INSYN2B: variants seen among roughly 807,000 people sequenced by gnomAD.
INSYN2B encodes the protein protein INSYN2B.
Under a neutral mutation model 41.2 loss-of-function variants are expected in INSYN2B, and 16 were observed. The observed-to-expected ratio is 0.39, with a 90% CI of 0.26 to 0.59. The LOEUF (loss-of-function observed/expected upper bound fraction) is 0.59. INSYN2B is among the 20% of genes least tolerant of loss of function. The pLI is 0.57. For synonymous variants in INSYN2B, 245 were observed against 244.4 expected, an observed-to-expected ratio of 1.00 and a Z score of -0.02; for missense variants, 608 against 646.4, an observed-to-expected ratio of 0.94 and a Z score of 0.64.
chr5:169,912,525 G>C (rs1440386934), intron 1 of INSYN2B, among the ~76,000 whole-genome samples: 1 of 152,082 alleles, frequency 6.6e-6, no homozygotes, highest in Non-Finnish European at 1.5e-5. Flanking sequence ...ATTCTCCCCT[G>C]TCTTAATAAC....
At chr5:169,914,950 A>G (rs1044542585) in intron 1 of INSYN2B, among the ~76,000 whole-genome samples, 2 of 152,240 alleles carry the variant, frequency 1.3e-5, no homozygotes, top group African/African-American at 4.8e-5. Context: ...GCGCCTGCCC[A>G]GAGCTGGCAG....
intron 1 of INSYN2B, chr5:169,934,564 T>A: frequency 2.2e-6 from 1 of 449,916 alleles, no homozygotes; most frequent in Admixed American, 2.4e-5. Context: ...CACACACACC[T>A]GGATCTAAAT....
At chr5:169,947,931 C>T (rs1776510884) in intron 1 of INSYN2B, among the ~76,000 whole-genome samples, 1 of 152,174 alleles carries the variant, frequency 6.6e-6, no homozygotes, top group Non-Finnish European at 1.5e-5. Context: ...TGCAGTGCCG[C>T]TGCGTTCTGC....
At chr5:169,913,761 G>T (rs11740615) in intron 1 of INSYN2B, among the ~76,000 whole-genome samples, 51,339 of 151,894 alleles carry the variant, frequency 0.34, 9,357 homozygotes, top group South Asian at 0.41. Context: ...TGATCTAATT[G>T]GTCTAACCCT....
At chr5:169,869,674 C>A (rs1561780739) in intron 3 of INSYN2B, among the ~76,000 whole-genome samples, 1 of 152,126 alleles carries the variant, frequency 6.6e-6, no homozygotes, top group Non-Finnish European at 1.5e-5. Flanking sequence ...GCTTAGCAAC[C>A]CCTTGCAAAA....
At chr5:169,891,580 C>T (rs1336202180) in intron 1 of INSYN2B, among the ~76,000 whole-genome samples, 2 of 152,048 alleles carry the variant, frequency 1.3e-5, no homozygotes, top group Non-Finnish European at 2.9e-5. Context: ...GTAGGGGACT[C>T]AGTCCTGGGA....
At chr5:169,973,998 T>C (rs1426686295) in intron 1 of INSYN2B, among the ~76,000 whole-genome samples, 1 of 152,052 alleles carries the variant, frequency 6.6e-6, no homozygotes, top group Non-Finnish European at 1.5e-5. Flanking sequence ...GGGGGAGAGG[T>C]GGTGAGGTGG....
chr5:169,940,116 T>A (rs114847179), intron 1 of INSYN2B, among the ~76,000 whole-genome samples: 6,561 of 152,272 alleles, frequency 0.043, 175 homozygotes, highest in Non-Finnish European at 0.062. Context: ...CATGGTCCCC[T>A]CCGTCTATTG....
At chr5:169,900,415 C>T (rs1292224951) in intron 1 of INSYN2B, among the ~76,000 whole-genome samples, 1 of 152,188 alleles carries the variant, frequency 6.6e-6, no homozygotes, top group Non-Finnish European at 1.5e-5. Flanking sequence ...TCCACATAAA[C>T]TTAATTATCG....
At chr5:169,916,506 T>C (rs1403517986) in intron 1 of INSYN2B, among the ~76,000 whole-genome samples, 1 of 152,230 alleles carries the variant, frequency 6.6e-6, no homozygotes, top group Non-Finnish European at 1.5e-5. Flanking sequence ...ATTGGAACCA[T>C]GGCTCTGCCA....
chr5:169,939,296 C>T (rs567973785), intron 1 of INSYN2B, among the ~76,000 whole-genome samples: 1 of 152,030 alleles, frequency 6.6e-6, no homozygotes, highest in African/African-American at 2.4e-5. Flanking sequence ...TCAGGACCCT[C>T]CCTATCACTG....
intron 1 of INSYN2B, among the ~76,000 whole-genome samples, chr5:169,977,762 G>A (rs779278818): frequency 1.3e-5 from 2 of 152,168 alleles, no homozygotes; most frequent in African/African-American, 2.4e-5. Flanking sequence ...GCACACCTTA[G>A]TTTTCCCAAA....
At chr5:169,908,689 AT>A (rs1262308443) in intron 1 of INSYN2B, among the ~76,000 whole-genome samples, 3 of 149,940 alleles carry the variant, frequency 2.0e-5, no homozygotes, top group Non-Finnish European at 3.0e-5. Context: ...ACAGGTTTCA[AT>A]GCATTTTTCT....
In INSYN2B at chr5:169,861,918, T is replaced by TTTTTC. The variant is rs542728501; in HGVS notation, c.*2350_*2354dup. Among the ~76,000 whole-genome samples the TTTTTC allele has an allele frequency of 1.4e-4, 21 of 148,728 alleles. No individual in the cohort carries two copies. Among genetic ancestry groups the TTTTTC allele is most frequent in the African/African-American group, 4.9e-4 (20 of 41,064 alleles). On this transcript the variant is annotated 3_prime_UTR_variant, in exon 4 of 4. Transcript: ENST00000377365. Reference sequence around the variant, plus strand: ...TAGAAATGTCAACATTTTATTTATTTTTTTCTTTTCTTTTCTTTTCTTTTT... The same window carrying TTTTTC: ...TAGAAATGTCAACATTTTATTTATTTTTTTCTTTTCTTTTCTTTTCTTTTCTTTTT...
intron 1 of INSYN2B, among the ~76,000 whole-genome samples, chr5:169,945,391 T>G (rs963753819): frequency 6.6e-6 from 1 of 152,274 alleles, no homozygotes; most frequent in African/African-American, 2.4e-5. Context: ...TTGAACTCTT[T>G]GGGTCTCAGA....
At chr5:169,898,695 T>C (rs980224229) in intron 1 of INSYN2B, among the ~76,000 whole-genome samples, 1 of 152,176 alleles carries the variant, frequency 6.6e-6, no homozygotes, top group Non-Finnish European at 1.5e-5. Flanking sequence ...TTTGCAGCTG[T>C]GTAGGCCATG....
At chr5:169,909,315 A>G (rs1326951324) in intron 1 of INSYN2B, among the ~76,000 whole-genome samples, 4 of 152,260 alleles carry the variant, frequency 2.6e-5, no homozygotes, top group Non-Finnish European at 5.9e-5. Flanking sequence ...CATGTTCAAC[A>G]GTATAGAACA....
Position 169,932,131 on chromosome 5 carries a change from G to A in INSYN2B, c.-918-47315C>T, listed in dbSNP as rs543566583. Among the ~76,000 whole-genome samples, 40 of 152,266 alleles carry A rather than the reference G, an allele frequency of 2.6e-4. 1 individual carries two copies. Among genetic ancestry groups the A allele is most frequent in the East Asian group, 5.8e-4 (3 of 5,184 alleles). On this transcript the variant is annotated intron_variant, in intron 1 of 3. Coordinates refer to ENST00000377365, the MANE Select transcript of INSYN2B (RefSeq NM_001129891.3). ...CTGCTATATAGTGAGATAAAGTGGCGTAAGAGCATATGATGGAGGTGACAG... is the reference window on the plus strand; with the variant it reads ...CTGCTATATAGTGAGATAAAGTGGCATAAGAGCATATGATGGAGGTGACAG...
At chr5:169,962,063 T>A (rs1340859058) in intron 1 of INSYN2B, among the ~76,000 whole-genome samples, 3 of 149,878 alleles carry the variant, frequency 2.0e-5, no homozygotes, top group Non-Finnish European at 4.4e-5. Context: ...AGAAAGCCAG[T>A]GTGTCTGAGC....
Sources: gnomAD v4.1 joint callset for allele counts (sites outside exome capture counted in the v4.1 genomes callset) on GRCh38, gnomAD v4.1.1 for gene constraint, MANE v1.5 for transcripts, NCBI Gene and HGNC (gene_info 2026-07-23, HGNC 2026-07-21) for gene names.